ATF7: variants seen among roughly 807,000 people sequenced by gnomAD.
The protein encoded by ATF7 is activating transcription factor 7.
In ATF7, 10 loss-of-function variants were observed where a neutral mutation model predicts 50.4. The ratio of observed to expected loss-of-function variants is 0.20; its 90% CI spans 0.12 to 0.34. The LOEUF (loss-of-function observed/expected upper bound fraction) is 0.34. Among genes scored for constraint, ATF7 ranks in the 10% least tolerant of loss-of-function variants. The pLI is 1.00. For missense variants in ATF7, 465 were observed against 613.9 expected, an observed-to-expected ratio of 0.76 and a Z score of 2.56; for synonymous variants, 201 against 226.4, an observed-to-expected ratio of 0.89 and a Z score of 1.01.
downstream of ATF7, chr12:53,507,887 TGGAGTGGAAGA>T (rs1247773021): frequency 5.8e-6 from 1 of 171,418 alleles, no homozygotes; most frequent in Non-Finnish European, 1.3e-5. Flanking sequence ...TAGGATGTCC[TGGAGTGGAAGA>T]GGAGTGGGAA....
chr12:53,518,452 T>C (rs11838292), intron 11 of ATF7, among the ~76,000 whole-genome samples: 2,480 of 152,330 alleles, frequency 0.016, 58 homozygotes, highest in African/African-American at 0.057. Flanking sequence ...TGTTGCTCAT[T>C]AGTCAAATGT....
chr12:53,578,988 A>G (rs960258390), intron 2 of ATF7, among the ~76,000 whole-genome samples: 4 of 152,220 alleles, frequency 2.6e-5, no homozygotes, highest in African/African-American at 7.2e-5. Flanking sequence ...TGCCTCACAC[A>G]CAACAGCACT....
chr12:53,529,710 T>TATACACACAC (rs1555216854), intron 9 of ATF7, among the ~76,000 whole-genome samples: 6 of 132,250 alleles, frequency 4.5e-5, no homozygotes, highest in African/African-American at 1.8e-4. Context: ...TATATACACA[T>TATACACACAC]ACACACACAC....
chr12:53,517,650 A>ATTATT, intron 11 of ATF7: 1 of 398,238 alleles, frequency 2.5e-6, no homozygotes. Flanking sequence ...GTTCATTACC[A>ATTATT]ACTCTTATTA....
chr12:53,576,343 T>C (rs1259628858), intron 2 of ATF7, among the ~76,000 whole-genome samples: 2 of 152,170 alleles, frequency 1.3e-5, no homozygotes, highest in African/African-American at 2.4e-5. Context: ...TCTCCCAACC[T>C]TCCTTAGTGC....
chr12:53,567,135 A>T (rs1368465330), intron 2 of ATF7, among the ~76,000 whole-genome samples: 1 of 152,260 alleles, frequency 6.6e-6, no homozygotes, highest in Non-Finnish European at 1.5e-5. Context: ...ATATGTATAG[A>T]TTCTACTTCA....
In ATF7 at chr12:53,523,320, T is replaced by A. The variant is rs1409157464; in HGVS notation, c.1190A>T (p.Asp397Val). The A allele has an allele frequency of 6.2e-7, 1 of 1,614,046 alleles. No individual in the cohort carries two copies. The highest frequency in any genetic ancestry group is 1.3e-5 in the African/African-American group (1 of 75,058). Residue 397 changes from aspartate to valine, a missense_variant, in exon 11 of 12, where the codon GAC becomes GTC. Physicochemically the swap from Asp to Val is radical, Grantham distance 152. Coordinates refer to ENST00000420353, the MANE Select transcript of ATF7 (RefSeq NM_006856.3). ...TTTCTGTAGTGCAGTGACTGGGCAG[T>A]CTTTATGAGCTAACAGTAGCTGTTT... ...QLKQLLLAHK[D>V]CPVTALQKKT...
chr12:53,587,231 G>A (rs1942724237), intron 2 of ATF7, among the ~76,000 whole-genome samples: 1 of 151,756 alleles, frequency 6.6e-6, no homozygotes, highest in African/African-American at 2.4e-5. Flanking sequence ...GCTGGGCTTG[G>A]TGGTGCACAT....
chr12:53,587,837 ATATATATTTT>A (rs1157898528), intron 2 of ATF7, among the ~76,000 whole-genome samples: 2 of 49,282 alleles, frequency 4.1e-5, no homozygotes, highest in Non-Finnish European at 8.7e-5. Context: ...ATATATATAT[ATATATATTTT>A]TTTTTTTTTT....
In ATF7 at chr12:53,587,366, C is replaced by CAAAAAAAAAAAAAAAAAAAAAAAAAA. The variant is rs55904354; in HGVS notation, c.48+13586_48+13587insTTTTTTTTTTTTTTTTTTTTTTTTTT. Among the ~76,000 whole-genome samples the CAAAAAAAAAAAAAAAAAAAAAAAAAA allele has an allele frequency of 9.6e-4, 60 of 62,250 alleles. 4 individuals are homozygous for CAAAAAAAAAAAAAAAAAAAAAAAAAA. The East Asian group carries it at 0.027, about 28-fold the overall frequency. The allele number at this position is 62,250 out of a possible 152,430, so 40.8% of individuals were successfully genotyped here. On this transcript the variant is annotated intron_variant, in intron 2 of 11. Coordinates refer to ENST00000420353, the MANE Select transcript of ATF7 (RefSeq NM_006856.3). ...TGGGTGACAGAGCGAAATTCCGCAT[C>CAAAAAAAAAAAAAAAAAAAAAAAAAA]AAAAAAAAAAAAAAAAAGAAGGAAA...
intron 11 of ATF7, among the ~76,000 whole-genome samples, chr12:53,521,188 C>T (rs1230126966): frequency 3.3e-5 from 5 of 152,100 alleles, no homozygotes; most frequent in Non-Finnish European, 2.9e-5. Flanking sequence ...GAAGCAGTTT[C>T]ACCATGTTAG....
chr12:53,624,334 A>T (rs1425661884), intron 1 of ATF7, among the ~76,000 whole-genome samples: 2 of 152,252 alleles, frequency 1.3e-5, no homozygotes, highest in African/African-American at 2.4e-5. Flanking sequence ...AAAGGTTAAT[A>T]CAACTACGTA....
At chr12:53,562,593 C>T (rs1941198391) in intron 2 of ATF7, among the ~76,000 whole-genome samples, 1 of 151,990 alleles carries the variant, frequency 6.6e-6, no homozygotes, top group South Asian at 2.1e-4. Flanking sequence ...CGAGATTGTG[C>T]CACTGCACTC....
intron 2 of ATF7, among the ~76,000 whole-genome samples, chr12:53,565,295 A>C (rs1037693632): frequency 6.6e-6 from 1 of 151,048 alleles, no homozygotes; most frequent in African/African-American, 2.5e-5. Context: ...TGGGTTAAAA[A>C]AGATTAGTTT....
intron 3 of ATF7, among the ~76,000 whole-genome samples, chr12:53,547,957 C>T (rs1186724055): frequency 3.3e-5 from 5 of 152,172 alleles, no homozygotes; most frequent in African/African-American, 9.6e-5. Flanking sequence ...ACTGCAGCCT[C>T]GAACTCCTGA....
chr12:53,539,554 T>C (rs1239928613), intron 4 of ATF7, among the ~76,000 whole-genome samples: 1 of 152,032 alleles, frequency 6.6e-6, no homozygotes, highest in Non-Finnish European at 1.5e-5. Flanking sequence ...TCAGGCATGG[T>C]GGTACGCGCC....
intron 1 of ATF7, among the ~76,000 whole-genome samples, chr12:53,605,459 G>T (rs1320473087): frequency 6.6e-6 from 1 of 151,338 alleles, no homozygotes; most frequent in Non-Finnish European, 1.5e-5. Context: ...TTGCTTTTTG[G>T]ATTATACACA....
At chr12:53,575,993 A>T (rs1942046240) in intron 2 of ATF7, 1 of 154,672 alleles carries the variant, frequency 6.5e-6, no homozygotes, top group Admixed American at 6.5e-5. Context: ...ATCCTATGAT[A>T]AACACTGGAA....
At chr12:53,566,907 C>T (rs1451774287) in intron 2 of ATF7, among the ~76,000 whole-genome samples, 1 of 152,182 alleles carries the variant, frequency 6.6e-6, no homozygotes, top group Non-Finnish European at 1.5e-5. Flanking sequence ...ACACACGCCA[C>T]CATGCCCAGC....
Sources: gnomAD v4.1 joint callset for allele counts (sites outside exome capture counted in the v4.1 genomes callset) on GRCh38, gnomAD v4.1.1 for gene constraint, MANE v1.5 for transcripts, NCBI Gene and HGNC (gene_info 2026-07-23, HGNC 2026-07-21) for gene names.